EGFLAM: variants seen among roughly 807,000 people sequenced by gnomAD.
The protein encoded by EGFLAM is pikachurin.
A neutral mutation model predicts 113.1 loss-of-function variants in EGFLAM; 79 were observed. The observed-to-expected ratio is 0.70, with a 90% confidence interval of 0.58 to 0.84. EGFLAM has a LOEUF of 0.84. Ranked by LOEUF, EGFLAM falls within the 40% of genes least tolerant of loss-of-function variation. The probability of loss-of-function intolerance (pLI) is 0.00; values close to 1 mark genes in which losing one functional copy is unlikely to be tolerated. For synonymous variants in EGFLAM, 504 were observed against 487.6 expected (o/e 1.03, Z -0.44); for missense variants, 1,265 against 1,291.6 (o/e 0.98, Z 0.32).
At chr5:38,320,397 G>T (rs1032204421) in intron 1 of EGFLAM, among the ~76,000 whole-genome samples, 3 of 152,186 alleles carry the variant, frequency 2.0e-5, no homozygotes, top group African/African-American at 7.2e-5. Flanking sequence ...GCTTCCAAAA[G>T]AAGCTTGAGA....
chr5:38,407,175 G>C (rs1216420273), intron 8 of EGFLAM, 29 bp downstream of exon 8: 2 of 1,603,744 alleles, frequency 1.2e-6, no homozygotes, highest in Non-Finnish European at 1.7e-6. Context: ...GGAAGAAGTG[G>C]TGATGAATTG....
chr5:38,409,178 GA>G, intron 10 of EGFLAM, 74 bp downstream of exon 10: 3 of 1,145,264 alleles, frequency 2.6e-6, no homozygotes, highest in Non-Finnish European at 3.7e-6. Flanking sequence ...TTTATAGTAT[GA>G]AAAAATATAT....
intron 8 of EGFLAM, 33 bp from the exon 9 acceptor site, chr5:38,407,772 G>A: frequency 1.3e-6 from 2 of 1,520,816 alleles, no homozygotes; most frequent in South Asian, 2.3e-5. Context: ...TGAGGAAATA[G>A]CATTCTTTTG....
intron 1 of EGFLAM, among the ~76,000 whole-genome samples, chr5:38,321,290 C>CT (rs1738733378): frequency 6.6e-6 from 1 of 152,082 alleles, no homozygotes; most frequent in South Asian, 2.1e-4. Flanking sequence ...GAATCTAATG[C>CT]TGCTGATCTG....
chr5:38,430,285 T>C (rs1742148185), intron 14 of EGFLAM: 1 of 152,272 alleles, frequency 6.6e-6, no homozygotes, highest in Admixed American at 6.5e-5. Flanking sequence ...CTTACAATTT[T>C]TCTCTTCTTC....
chr5:38,388,851 G>C (rs975766559), intron 6 of EGFLAM, among the ~76,000 whole-genome samples: 2 of 150,556 alleles, frequency 1.3e-5, no homozygotes, highest in African/African-American at 4.9e-5. Context: ...GGAGGTCGAG[G>C]CTGCCGTGAG....
At chr5:38,343,881 T>G (rs970913625) in intron 3 of EGFLAM, among the ~76,000 whole-genome samples, 10 of 152,198 alleles carry the variant, frequency 6.6e-5, no homozygotes, top group African/African-American at 2.4e-4. Flanking sequence ...GTGTTGAATC[T>G]TTGGCCCAGA....
intron 3 of EGFLAM, among the ~76,000 whole-genome samples, chr5:38,347,946 A>T (rs1739516688): frequency 6.6e-6 from 1 of 152,078 alleles, no homozygotes; most frequent in Non-Finnish European, 1.5e-5. Context: ...TTCAAGTGAT[A>T]TGAAAGAGGT....
chr5:38,269,638 C>T (rs374709385), intron 1 of EGFLAM, among the ~76,000 whole-genome samples: 25 of 151,978 alleles, frequency 1.6e-4, no homozygotes, highest in South Asian at 1.0e-3. Flanking sequence ...TACAGGTGCG[C>T]GCCACCATGC....
intron 1 of EGFLAM, among the ~76,000 whole-genome samples, chr5:38,308,330 T>G (rs1463442373): frequency 1.3e-5 from 2 of 152,228 alleles, no homozygotes; most frequent in African/African-American, 4.8e-5. Context: ...ATGTCCTTAT[T>G]GCTCTTTCTC....
chr5:38,427,295 A>G, intron 14 of EGFLAM, 43 bp downstream of exon 14: 1 of 1,597,316 alleles, frequency 6.3e-7, no homozygotes, highest in Non-Finnish European at 8.5e-7. Flanking sequence ...TTAAAAAGGC[A>G]AATAGTAACT....
At chr5:38,298,810 C>T (rs1425130519) in intron 1 of EGFLAM, among the ~76,000 whole-genome samples, 1 of 152,022 alleles carries the variant, frequency 6.6e-6, no homozygotes, top group African/African-American at 2.4e-5. Context: ...AGGTGATCCT[C>T]CCACCTCCAC....
intron 1 of EGFLAM, among the ~76,000 whole-genome samples, chr5:38,317,658 T>C (rs1738636247): frequency 6.6e-6 from 1 of 152,236 alleles, no homozygotes; most frequent in Non-Finnish European, 1.5e-5. Context: ...TTGATCTCTA[T>C]TCTTTGAAAG....
chr5:38,311,037 A>G (rs1438245496), intron 1 of EGFLAM, among the ~76,000 whole-genome samples: 2 of 151,896 alleles, frequency 1.3e-5, no homozygotes, highest in Non-Finnish European at 2.9e-5. Flanking sequence ...ACTTGGAACC[A>G]TGGGTTGGTC....
chr5:38,445,661 C>T, intron 17 of EGFLAM: 1 of 1,598,468 alleles, frequency 6.3e-7, no homozygotes, highest in Non-Finnish European at 8.5e-7. Context: ...TGTTCTCTTT[C>T]ATGCTGGCAC....
intron 6 of EGFLAM, among the ~76,000 whole-genome samples, chr5:38,382,339 CAA>C (rs1740532261): frequency 6.6e-6 from 1 of 152,132 alleles, no homozygotes; most frequent in South Asian, 2.1e-4. Flanking sequence ...AATTTAATAA[CAA>C]TGTATTCCAT....
intron 16 of EGFLAM, among the ~76,000 whole-genome samples, chr5:38,436,411 G>T (rs547474895): frequency 5.3e-5 from 8 of 152,174 alleles, no homozygotes; most frequent in African/African-American, 1.9e-4. Flanking sequence ...CACTGAAAAG[G>T]GCCCCTGGTA....
chr5:38,344,772 G>A (rs1315286722), intron 3 of EGFLAM, among the ~76,000 whole-genome samples: 1 of 152,110 alleles, frequency 6.6e-6, no homozygotes, highest in Admixed American at 6.5e-5. Context: ...GGCTTAAGCT[G>A]CCACATCCAC....
At position 38,464,977 on chromosome 5, in the gene EGFLAM, A is replaced by C. The variant is rs1172118238; in HGVS notation, c.*991A>C. The C allele has an allele frequency of 6.6e-6, 1 of 152,066 alleles. No individual in the cohort carries two copies. Among genetic ancestry groups the C allele is most frequent in the African/African-American group, 2.4e-5 (1 of 41,382 alleles). 9.4% of individuals were successfully genotyped at this position (152,066 alleles called of 1,614,324 possible). On this transcript the variant is annotated 3_prime_UTR_variant, in exon 22 of 22. Coordinates refer to ENST00000322350, the MANE Select transcript of EGFLAM (RefSeq NM_152403.4). The stretch of plus-strand genomic sequence containing the variant: ...CATTTTTGTTTTAAGAGTTGGGGGG[A>C]GTATCTATAGTAAACTTGAATAAAG...
Sources: gnomAD v4.1 joint callset for allele counts (sites outside exome capture counted in the v4.1 genomes callset) on GRCh38, gnomAD v4.1.1 for gene constraint, MANE v1.5 for transcripts, NCBI Gene and HGNC (gene_info 2026-07-23, HGNC 2026-07-21) for gene names.